The following PHLDB2 variants were observed in gnomAD, a reference collection of about 807,000 sequenced individuals.
PHLDB2 encodes pleckstrin homology like domain family B member 2, also known as pleckstrin homology-like domain family B member 2.
In PHLDB2, 71 loss-of-function variants were observed where a neutral mutation model predicts 123.6. The observed-to-expected ratio is 0.57, with a 90% CI of 0.47 to 0.70. The LOEUF is 0.70. Among genes scored for constraint, PHLDB2 ranks in the 30% least tolerant of loss-of-function variants. The pLI, the probability that PHLDB2 is intolerant of heterozygous loss-of-function variation, is 0.00. For missense variants in PHLDB2, 1,446 were observed against 1,519.5 expected (o/e 0.95, Z 0.80); for synonymous variants, 547 against 541.6 (o/e 1.01, Z -0.14).
chr3:111,945,415 C>A, intron 9 of PHLDB2, 58 bp downstream of exon 9: 1 of 1,285,580 alleles, frequency 7.8e-7, no homozygotes, highest in Non-Finnish European at 1.1e-6. Flanking sequence ...AGATGTATTT[C>A]AGCTTTATTT....
chr3:111,836,297 C>G (rs756525596), intron 1 of PHLDB2, among the ~76,000 whole-genome samples: 1 of 152,292 alleles, frequency 6.6e-6, no homozygotes, highest in South Asian at 2.1e-4. Flanking sequence ...AAGTCCCCAA[C>G]AGAGCACAGT....
rs370882486 is a variant in PHLDB2, at chr3:111,950,767, A to G, written c.2631+1692A>G. On this transcript the variant is annotated intron_variant, in intron 10 of 17. Transcript: ENST00000431670. ...GAAGGTACCTTTACCATCAATTACC[A>G]TTTGTTAAAGGACTATATCTCTCAC... Among the ~76,000 whole-genome samples, 18 of 152,232 alleles carry G rather than the reference A, an allele frequency of 1.2e-4. 1 individual carries two copies. In the South Asian group the frequency reaches 3.7e-3, roughly 32 times the overall value.
intron 1 of PHLDB2, among the ~76,000 whole-genome samples, chr3:111,752,936 A>G (rs1163028208): frequency 6.6e-6 from 1 of 152,082 alleles, no homozygotes; most frequent in Non-Finnish European, 1.5e-5. Context: ...ACTGAGAATC[A>G]TGATTTCCAA....
At chr3:111,814,591 G>A (rs1406260824) in intron 1 of PHLDB2, among the ~76,000 whole-genome samples, 1 of 151,068 alleles carries the variant, frequency 6.6e-6, no homozygotes, top group Non-Finnish European at 1.5e-5. Flanking sequence ...GGTTCATGTA[G>A]TGTTATTAAC....
At chr3:111,967,975 C>CAAAAAA (rs58918022) in intron 15 of PHLDB2, 151 bp downstream of exon 15, 1,253 of 67,742 alleles carry the variant, frequency 0.018, 75 homozygotes, top group Non-Finnish European at 0.027. Context: ...CATTCCTGTG[C>CAAAAAA]AAAAAAAAAA....
intron 12 of PHLDB2, among the ~76,000 whole-genome samples, chr3:111,954,420 A>G (rs1015853612): frequency 6.6e-6 from 1 of 152,234 alleles, no homozygotes; most frequent in Non-Finnish European, 1.5e-5. Context: ...GTGCTAAAGA[A>G]TCATTGAGCT....
intron 1 of PHLDB2, among the ~76,000 whole-genome samples, chr3:111,805,966 G>A (rs1422470439): frequency 6.6e-6 from 1 of 151,372 alleles, no homozygotes; most frequent in Non-Finnish European, 1.5e-5. Flanking sequence ...TCTAGAAAAG[G>A]CAAAACAATA....
intron 1 of PHLDB2, among the ~76,000 whole-genome samples, chr3:111,835,708 T>C (rs1308090165): frequency 2.0e-5 from 3 of 152,200 alleles, no homozygotes; most frequent in Non-Finnish European, 4.4e-5. Context: ...AGGAATCATC[T>C]GAAATCTTAC....
chr3:111,885,954 C>T (rs771894310), intron 2 of PHLDB2, among the ~76,000 whole-genome samples: 2 of 152,192 alleles, frequency 1.3e-5, no homozygotes, highest in African/African-American at 2.4e-5. Flanking sequence ...ATTCTTATCA[C>T]GTACAGTGAT....
chr3:111,929,882 C>T (rs781002143), intron 5 of PHLDB2, among the ~76,000 whole-genome samples: 1 of 151,214 alleles, frequency 6.6e-6, no homozygotes, highest in African/African-American at 2.4e-5. Context: ...TTGAGCACCT[C>T]GGAAGTAAGG....
At chr3:111,828,137 A>G (rs1409671350) in intron 1 of PHLDB2, among the ~76,000 whole-genome samples, 3 of 152,204 alleles carry the variant, frequency 2.0e-5, no homozygotes, top group East Asian at 3.9e-4. Context: ...GCTCTCAACT[A>G]CACAGAACCA....
chr3:111,788,392 A>C (rs1251251451), intron 1 of PHLDB2, among the ~76,000 whole-genome samples: 1 of 152,202 alleles, frequency 6.6e-6, no homozygotes, highest in East Asian at 1.9e-4. Flanking sequence ...TCAGTCTGCT[A>C]TTTAACACCA....
chr3:111,789,395 A>G (rs574987333), intron 1 of PHLDB2, among the ~76,000 whole-genome samples: 3 of 152,350 alleles, frequency 2.0e-5, no homozygotes, highest in African/African-American at 4.8e-5. Flanking sequence ...TAATTGGCAG[A>G]TATCTTCCAG....
chr3:111,858,859 G>A (rs1189479176), upstream of PHLDB2, among the ~76,000 whole-genome samples: 13 of 152,128 alleles, frequency 8.5e-5, no homozygotes, highest in African/African-American at 3.1e-4. Context: ...ACATTCCCGC[G>A]TGCCGAGATT....
chr3:111,849,966 A>G (rs2064178113), intron 2 of PHLDB2, among the ~76,000 whole-genome samples: 1 of 151,676 alleles, frequency 6.6e-6, no homozygotes, highest in African/African-American at 2.4e-5. Flanking sequence ...GGTTCACGCC[A>G]TTCTCCTGCC....
Position 111,940,647 on chromosome 3 carries a change from T to C in PHLDB2, c.2397+2T>C. On this transcript the variant is annotated splice_donor_variant, in intron 8 of 17. Transcript: ENST00000431670. LOFTEE classifies it high-confidence loss of function. ...AATTTAATAATGATGTTGCAAAGAG[T>C]AAGTATTTCCTTTTCAGCACTGGCT... The C allele has an allele frequency of 6.4e-7, 1 of 1,550,668 alleles. No homozygotes were observed. Among genetic ancestry groups the C allele is most frequent in the Non-Finnish European group, 8.8e-7 (1 of 1,136,684 alleles).
intron 4 of PHLDB2, 72 bp from the exon 5 acceptor site, chr3:111,920,210 G>T: frequency 6.6e-7 from 1 of 1,504,068 alleles, no homozygotes; most frequent in South Asian, 1.4e-5. Flanking sequence ...TGTTGCAAAT[G>T]TATCTCTAGG....
intron 1 of PHLDB2, chr3:111,859,802 G>T (rs1282572630): frequency 4.1e-6 from 4 of 985,482 alleles, no homozygotes; most frequent in Non-Finnish European, 4.8e-6. Context: ...GAGGGAGACA[G>T]GGTGGGCGGG....
chr3:111,950,011 T>A, intron 10 of PHLDB2: 1 of 634,240 alleles, frequency 1.6e-6, no homozygotes, highest in Non-Finnish European at 2.0e-6. Context: ...CATACTTCTC[T>A]GATTTTTTTT....
Sources: allele counts gnomAD v4.1 joint callset (sites outside exome capture counted in the v4.1 genomes callset), GRCh38; gene constraint gnomAD v4.1.1; transcripts MANE v1.5; gene names NCBI Gene and HGNC (gene_info 2026-07-23, HGNC 2026-07-21).